The following PREPL variants were observed in gnomAD, a reference collection of about 807,000 sequenced individuals.
PREPL encodes the protein prolyl endopeptidase-like.
Under a neutral mutation model 70.6 loss-of-function variants are expected in PREPL, and 77 were observed. That is an observed-to-expected ratio of 1.09 (90% CI 0.91 to 1.32). The LOEUF is 1.32. Ranked by LOEUF, PREPL falls within the 40% of genes most tolerant of loss-of-function variation. The pLI is 0.00. For missense variants in PREPL, 1,002 were observed against 778.2 expected (o/e 1.29, Z -3.42); for synonymous variants, 315 against 264.8 (o/e 1.19, Z -1.84).
In PREPL at chr2:44,339,071, G is replaced by C; in HGVS notation, c.702+76C>G. The C allele has an allele frequency of 2.5e-6, 4 of 1,569,474 alleles. No individual in the cohort carries two copies. The South Asian group carries it at 4.7e-5, about 18-fold the overall frequency. On this transcript the variant is annotated intron_variant, in intron 6 of 13. Transcript: ENST00000409411. ...TCAATTTATAAAACAATGAGCTCTT[G>C]GAGCAAGAAATGTTGTTGATCGAAG...
At chr2:44,337,930 T>C (rs1674800688) in intron 7 of PREPL, among the ~76,000 whole-genome samples, 1 of 152,208 alleles carries the variant, frequency 6.6e-6, no homozygotes, top group Non-Finnish European at 1.5e-5. Context: ...CAAAAGCATG[T>C]AGTGGCTAAA....
At chr2:44,360,802 A>C (rs1414223079) in intron 1 of PREPL, 1 of 152,254 alleles carries the variant, frequency 6.6e-6, no homozygotes, top group Middle Eastern at 3.2e-3. Flanking sequence ...GGCAGTTGCT[A>C]TTATTTACGA....
Position 44,338,426 on chromosome 2 carries a change from A to G in PREPL, c.813T>C (p.Val271=), listed in dbSNP as rs559144851. ...GGAGATTGCTGTGCTTCAGAAATAG[A>G]ACACAGTGATCCTTAAACATGTCCA... ...IDLDMFKDHC[V]LFLKHSNLLY... The change falls in exon 7 of 14, where the codon GTT becomes GTC. Residue 271 remains valine (V), a synonymous_variant. Transcript: ENST00000409411. 3.1e-6 allele frequency: 5 copies of G among 1,613,550 alleles called. No homozygotes were observed. The African/African-American group carries it at 4.0e-5, about 13-fold the overall frequency.
At chr2:44,358,541 T>C (rs1677296980) in intron 1 of PREPL, among the ~76,000 whole-genome samples, 1 of 152,160 alleles carries the variant, frequency 6.6e-6, no homozygotes, top group South Asian at 2.1e-4. Context: ...AAATAGATCA[T>C]TTAATCCTAC....
In PREPL at chr2:44,359,661, G is replaced by A. The variant is rs551860187; in HGVS notation, c.-49+1719C>T. 6 of 1,613,352 alleles carry A rather than the reference G, an allele frequency of 3.7e-6. No homozygotes were observed. In the African/African-American group the frequency reaches 8.0e-5, roughly 22 times the overall value. On this transcript the variant is annotated intron_variant, in intron 1 of 13. Transcript: ENST00000409411. The stretch of plus-strand genomic sequence containing the variant: ...TGCTGTTTCTGCATGCATTTTCCAA[G>A]GTGAGGAATACTATACTTCAAAGCT...
intron 7 of PREPL, among the ~76,000 whole-genome samples, chr2:44,336,052 T>C (rs1446507830): frequency 1.3e-5 from 2 of 151,958 alleles, no homozygotes; most frequent in African/African-American, 4.8e-5. Flanking sequence ...AGTCAAAATA[T>C]AACAGATGCT....
Position 44,318,777 on chromosome 2 carries a change from AT to A in PREPL, c.*2578del, listed in dbSNP as rs1672665172. On this transcript the variant is annotated 3_prime_UTR_variant, in exon 14 of 14. Coordinates refer to ENST00000409411, the MANE Select transcript of PREPL (RefSeq NM_001171613.2). ...AATTACAAAAATCAGGCTTGGAAGT[AT>A]TTAATAGCAGACAAAATATAGTTCA... The A allele has an allele frequency of 6.6e-6, 1 of 152,208 alleles. No homozygotes were observed. Among genetic ancestry groups the A allele is most frequent in the Non-Finnish European group, 1.5e-5 (1 of 68,020 alleles). The allele number at this position is 152,208 out of a possible 1,614,324, so 9.4% of individuals were successfully genotyped here.
In PREPL at chr2:44,340,490, C is replaced by T. The variant is rs144711852; in HGVS notation, c.486-1127G>A. ...GAATCCCAATGCCCCCAAATAACAA[C>T]TGCTTATAGTTTGGTAAAATTTCTT... On this transcript the variant is annotated intron_variant, in intron 5 of 13. Transcript: ENST00000409411. Among the ~76,000 whole-genome samples, 327 of 152,224 alleles carry T rather than the reference C, an allele frequency of 2.1e-3. No homozygotes were observed. The Middle Eastern group carries it at 0.027, about 13-fold the overall frequency.
intron 5 of PREPL, among the ~76,000 whole-genome samples, chr2:44,340,927 C>CAA (rs966745305): frequency 2.0e-5 from 2 of 97,930 alleles, no homozygotes; most frequent in Non-Finnish European, 2.3e-5. Flanking sequence ...GACTCTGTTT[C>CAA]AAAAAAAAAA....
intron 10 of PREPL, 38 bp downstream of exon 10, chr2:44,326,674 C>G (rs1464131283): frequency 1.1e-5 from 18 of 1,584,876 alleles, no homozygotes; most frequent in Non-Finnish European, 1.5e-5. Context: ...CTTCACACCT[C>G]CCCCATTCTA....
chr2:44,320,309 C>T lies in PREPL; in HGVS notation c.*1047G>A, dbSNP rs1022178927. 3 of 1,613,994 alleles carry T rather than the reference C, an allele frequency of 1.9e-6. No homozygotes were observed. The highest frequency in any genetic ancestry group is 2.7e-5 in the African/African-American group (2 of 74,918). ...GCTGGTTTTGCCATTTGAGGAATGACAGCCACTATGTTGTGTACACAAGAG... is the reference window on the plus strand; with the variant it reads ...GCTGGTTTTGCCATTTGAGGAATGATAGCCACTATGTTGTGTACACAAGAG... On this transcript the variant is annotated 3_prime_UTR_variant, in exon 14 of 14. Coordinates refer to ENST00000409411, the MANE Select transcript of PREPL (RefSeq NM_001171613.2).
chr2:44,318,393 C>A lies in PREPL; in HGVS notation c.*2963G>T, dbSNP rs1672617022. On this transcript the variant is annotated 3_prime_UTR_variant, in exon 14 of 14. Transcript: ENST00000409411. ...GGCCTGAGCCACCTTGCCTGGCCTG[C>A]AAAATTTGTTTTTAATAGAAGACAC... 1.7e-5 allele frequency: 3 copies of A among 174,142 alleles called. No homozygotes were observed. The highest frequency in any genetic ancestry group is 1.1e-4 in the South Asian group (1 of 9,308). The allele number at this position is 174,142 out of a possible 1,614,324, so 10.8% of individuals were successfully genotyped here.
chr2:44,344,954 C>A (rs1021399812), intron 2 of PREPL, among the ~76,000 whole-genome samples: 1 of 152,096 alleles, frequency 6.6e-6, no homozygotes, highest in African/African-American at 2.4e-5. Flanking sequence ...TAAGACAATC[C>A]AAAATGATGC....
chr2:44,349,134 T>C (rs1044079552), intron 1 of PREPL, among the ~76,000 whole-genome samples: 3 of 152,152 alleles, frequency 2.0e-5, no homozygotes, highest in Non-Finnish European at 4.4e-5. Context: ...TGTTATAAAA[T>C]AGAAGGAGAA....
Position 44,329,075 on chromosome 2 carries a change from G to T in PREPL, c.1124C>A (p.Thr375Asn). The T allele has an allele frequency of 6.2e-7, 1 of 1,609,818 alleles. No homozygotes were observed. The highest frequency in any genetic ancestry group is 8.5e-7 in the Non-Finnish European group (1 of 1,176,384). The stretch of plus-strand genomic sequence containing the variant: ...TTTCTTCTGCAAGTCCTCAGAGTCA[G>T]TTTTGTGGAAAACAGTCATTGGCAC... ...KLVPMTVFHKTDSEDLQKKPL... is the reference protein window; with the variant it reads ...KLVPMTVFHKNDSEDLQKKPL... The change falls in exon 9 of 14, where the codon ACT (threonine) becomes AAT (asparagine). Residue 375 changes from threonine to asparagine, a missense_variant. Thr to Asn is a moderately conservative substitution (Grantham distance 65). Coordinates refer to ENST00000409411, the MANE Select transcript of PREPL (RefSeq NM_001171613.2).
Position 44,318,737 on chromosome 2 carries a change from T to C in PREPL, c.*2619A>G, listed in dbSNP as rs529174917. ...CTTTTTATAGTATGTATTCTTGTAA[T>C]TGAATAAAAAATAAAATTACAAAAA... On this transcript the variant is annotated 3_prime_UTR_variant, in exon 14 of 14. Transcript: ENST00000409411. 10 of 152,264 alleles carry C rather than the reference T, an allele frequency of 6.6e-5. No individual in the cohort carries two copies. Among genetic ancestry groups the C allele is most frequent in the East Asian group, 1.9e-4 (1 of 5,192 alleles). The allele number at this position is 152,264 out of a possible 1,614,324, so 9.4% of individuals were successfully genotyped here.
intron 1 of PREPL, among the ~76,000 whole-genome samples, chr2:44,359,169 A>G (rs1677383929): frequency 6.7e-6 from 1 of 150,324 alleles, no homozygotes; most frequent in East Asian, 2.0e-4. Context: ...CCTGGGTTCA[A>G]GAGATTCTCT....
At chr2:44,333,988 T>C (rs928371437) in intron 7 of PREPL, among the ~76,000 whole-genome samples, 3 of 152,220 alleles carry the variant, frequency 2.0e-5, no homozygotes, top group African/African-American at 7.2e-5. Flanking sequence ...GTCTTAGCTT[T>C]AGACCAAGTG....
chr2:44,330,332 C>A (rs1226755813), intron 8 of PREPL, among the ~76,000 whole-genome samples: 1 of 152,176 alleles, frequency 6.6e-6, no homozygotes, highest in East Asian at 1.9e-4. Context: ...CGCTTCCATT[C>A]AGCAGCTGCT....
Sources: allele counts gnomAD v4.1 joint callset (sites outside exome capture counted in the v4.1 genomes callset), GRCh38; gene constraint gnomAD v4.1.1; transcripts MANE v1.5; gene names NCBI Gene and HGNC (gene_info 2026-07-23, HGNC 2026-07-21).